PIEZO2: variants seen among roughly 807,000 people sequenced by gnomAD.
PIEZO2 encodes the protein piezo-type mechanosensitive ion channel component 2.
A neutral mutation model predicts 337.3 loss-of-function variants in PIEZO2; 172 were observed. The ratio of observed to expected loss-of-function variants is 0.51; its 90% CI spans 0.45 to 0.58. The LOEUF (loss-of-function observed/expected upper bound fraction) is 0.58, where lower values mean the gene tolerates loss of function less well. Ranked by LOEUF, PIEZO2 falls within the 20% of genes least tolerant of loss-of-function variation. PIEZO2 has a pLI of 0.00. For synonymous variants in PIEZO2, 1,251 were observed against 1,228.5 expected, an observed-to-expected ratio of 1.02 and a Z score of -0.38; for missense variants, 3,028 against 3,391.3, an observed-to-expected ratio of 0.89 and a Z score of 2.66.
rs1568255611 is a variant in PIEZO2, at chr18:10,973,500, G to C, written c.286+6035C>G. 6.6e-6 allele frequency among the ~76,000 whole-genome samples: 1 copy of C among 152,214 alleles called. No individual in the cohort carries two copies. The highest frequency in any genetic ancestry group is 1.5e-5 in the Non-Finnish European group (1 of 68,038). ...CTTAAGGCAAAGTTCTCCTATACAT[G>C]ATCAGAAGGTATATATATGATCCAC... On this transcript the variant is annotated intron_variant, in intron 3 of 55. Coordinates refer to ENST00000674853, the MANE Select transcript of PIEZO2 (RefSeq NM_001378183.1). The surrounding 1 kb of genome is among the most constrained non-coding windows in gnomAD (Gnocchi z 4.9).
At chr18:10,951,896 A>G (rs1046030362) in intron 3 of PIEZO2, among the ~76,000 whole-genome samples, 1 of 152,182 alleles carries the variant, frequency 6.6e-6, no homozygotes, top group Middle Eastern at 3.2e-3. Flanking sequence ...AAATTAATGA[A>G]TGATTATGAG....
At chr18:10,916,039 C>A (rs913958433) in intron 3 of PIEZO2, among the ~76,000 whole-genome samples, 3 of 151,936 alleles carry the variant, frequency 2.0e-5, no homozygotes, top group Admixed American at 6.6e-5. Context: ...CATTTACAAT[C>A]CTTTAGCTAG....
chr18:11,079,703 G>A (rs1407615605), intron 1 of PIEZO2, among the ~76,000 whole-genome samples: 1 of 152,128 alleles, frequency 6.6e-6, no homozygotes, highest in African/African-American at 2.4e-5. Context: ...CTGCCCAACA[G>A]TAAACCACAA....
intron 27 of PIEZO2, among the ~76,000 whole-genome samples, chr18:10,753,339 A>G (rs567661700): frequency 3.9e-5 from 6 of 152,346 alleles, no homozygotes; most frequent in African/African-American, 1.4e-4. Flanking sequence ...ATGGGAGGTG[A>G]TTCTGACCAA....
rs114814201 is a variant in PIEZO2, at chr18:11,125,574, C to T, written c.64+22951G>A. 2.4e-4 allele frequency among the ~76,000 whole-genome samples: 37 copies of T among 152,246 alleles called. No individual in the cohort carries two copies. Among genetic ancestry groups the T allele is most frequent in the African/African-American group, 8.9e-4 (37 of 41,540 alleles). On this transcript the variant is annotated intron_variant, in intron 1 of 55. Transcript: ENST00000674853. The surrounding 1 kb of genome is among the most constrained non-coding windows in gnomAD (Gnocchi z 4.4). ...GCGGAAACCAAGACACACTCCATTC[C>T]AAATAAAGATTACCCTGCAGAGAAG...
chr18:10,745,706 T>C (rs1010323983), intron 30 of PIEZO2, among the ~76,000 whole-genome samples: 8 of 152,136 alleles, frequency 5.3e-5, no homozygotes, highest in African/African-American at 1.9e-4. Context: ...CTGAATGTTC[T>C]CCAAGGTTCT....
chr18:10,705,569 G>A lies in PIEZO2; in HGVS notation c.5766C>T (p.Leu1922=), dbSNP rs1175231459. ...ACTGTGTCAGCTCTTCCTCTGGGGT[G>A]AGGCTGGCCTCCTCGGCACCCATGG... is the stretch of plus-strand genomic sequence containing the variant. ...VGAMGAEEAS[L]TPEEELTQFS... is the part of the protein sequence containing the mutation. Residue 1922 remains leucine, a synonymous_variant, in exon 41 of 56, where the codon CTC becomes CTT. Transcript: ENST00000674853. The A allele has an allele frequency of 3.3e-6, 5 of 1,537,144 alleles. No homozygotes were observed. The highest frequency in any genetic ancestry group is 3.5e-6 in the Non-Finnish European group (4 of 1,146,920).
intron 35 of PIEZO2, among the ~76,000 whole-genome samples, chr18:10,734,968 C>G (rs1369537734): frequency 6.6e-6 from 1 of 152,166 alleles, no homozygotes; most frequent in Non-Finnish European, 1.5e-5. Flanking sequence ...AGAAGGACAG[C>G]AAGTATATCT....
intron 2 of PIEZO2, among the ~76,000 whole-genome samples, chr18:11,026,128 A>G (rs2036532538): frequency 6.6e-6 from 1 of 152,226 alleles, no homozygotes; most frequent in Non-Finnish European, 1.5e-5. Flanking sequence ...GCCTTTACAA[A>G]CATGCAATTG....
At position 10,773,476 on chromosome 18, in the gene PIEZO2, G is replaced by C; in HGVS notation, c.2721C>G (p.Asp907Glu). The C allele has an allele frequency of 1.3e-6, 2 of 1,537,424 alleles. No homozygotes were observed. The highest frequency in any genetic ancestry group is 1.7e-6 in the Non-Finnish European group (2 of 1,146,962). The change falls in exon 20 of 56, where the codon GAC (aspartate) becomes GAG (glutamate). Residue 907 changes from aspartate (D) to glutamate (E), a missense_variant. Physicochemically the swap from Asp to Glu is conservative, Grantham distance 45. Transcript: ENST00000674853. The surrounding 1 kb of genome is among the most constrained non-coding windows in gnomAD (Gnocchi z 5.3). The stretch of plus-strand genomic sequence containing the variant: ...CTCCGTCCTCCTCTGACTCCTCGCT[G>C]TCTTTCCCAAGATCACCCTTCTGGG... ...EKAQKGDLGK[D>E]SEESEEDGEE...
At chr18:10,787,712 ATTTCT>A (rs1294081199) in intron 15 of PIEZO2, among the ~76,000 whole-genome samples, 5 of 152,096 alleles carry the variant, frequency 3.3e-5, no homozygotes, top group Admixed American at 3.3e-4. Context: ...AAGTTCACTG[ATTTCT>A]TTTGAGATTT....
Position 10,800,463 on chromosome 18 carries a change from T to C in PIEZO2, c.1252A>G (p.Thr418Ala). Residue 418 changes from threonine to alanine, a missense_variant, in exon 11 of 56, where the codon ACT (threonine) becomes GCT (alanine). This residue lies in a region of PIEZO2 where 542 missense variants were observed against 605.6 expected (regional missense o/e 0.89). Transcript: ENST00000674853. ...TAATCCACGGGGTTGCCGTTCACAG[T>C]CACCAGCAGGCCCTGCCGGGAGTGC... is the stretch of plus-strand genomic sequence containing the variant. ...DYKPSDGLLV[T>A]VNGNPVDYHT... is the part of the protein sequence containing the mutation. 2 of 1,531,970 alleles carry C rather than the reference T, an allele frequency of 1.3e-6. No individual in the cohort carries two copies. Among genetic ancestry groups the C allele is most frequent in the Non-Finnish European group, 1.7e-6 (2 of 1,144,750 alleles). 94.9% of individuals were successfully genotyped at this position (1,531,970 alleles called of 1,614,324 possible).
intron 30 of PIEZO2, among the ~76,000 whole-genome samples, chr18:10,745,326 A>G (rs2037380550): frequency 6.6e-6 from 1 of 152,112 alleles, no homozygotes; most frequent in Non-Finnish European, 1.5e-5. Flanking sequence ...TTAACATGCA[A>G]ATATGCTCAA....
In PIEZO2 at chr18:10,761,253, G is replaced by A. The variant is rs573401847; in HGVS notation, c.3250-142C>T. 78 of 703,802 alleles carry A rather than the reference G, an allele frequency of 1.1e-4. No homozygotes were observed. In the Middle Eastern group the frequency reaches 1.2e-3, roughly 11 times the overall value. 43.6% of individuals were successfully genotyped at this position (703,802 alleles called of 1,614,324 possible). On this transcript the variant is annotated intron_variant, in intron 23 of 55. Transcript: ENST00000674853. ...TTAAGCAGTTTTGAGCTCAATATTC[G>A]TTTTCTCTGTCTTATTTATTGTGGC...
rs1299642582 is a variant in PIEZO2 at position 10,789,285 on chromosome 18, T to C, written c.1963A>G (p.Arg655Gly). ...GCTTCCTCTTGCTCTACCTTCTTTC[T>C]CTCTTGCTTCTCTTCCTTCGCTTCC... ...EEEAKEEKQERKKVEQEEAEE... is the reference protein window; with the variant it reads ...EEEAKEEKQEGKKVEQEEAEE... Residue 655 changes from arginine (R) to glycine (G), a missense_variant, in exon 15 of 56, where the codon AGA (arginine) becomes GGA (glycine). By Grantham distance (125) the Arg-to-Gly change is moderately radical. Coordinates refer to ENST00000674853, the MANE Select transcript of PIEZO2 (RefSeq NM_001378183.1). The C allele has an allele frequency of 6.5e-7, 1 of 1,537,364 alleles. No individual in the cohort carries two copies. The highest frequency in any genetic ancestry group is 2.0e-5 in the Admixed American group (1 of 51,012).
rs2038054033 is a variant in PIEZO2 at position 10,759,919 on chromosome 18, G to T, written c.3451-10C>A. ...ACATTAGGAAACAGGTCTGTGTAAA[G>T]ATGAAAAGAGGCAAAAAAAAAAAAT... On this transcript the variant is annotated splice_polypyrimidine_tract_variant and intron_variant, in intron 24 of 55. Coordinates refer to ENST00000674853, the MANE Select transcript of PIEZO2 (RefSeq NM_001378183.1). The surrounding 1 kb of genome is among the most constrained non-coding windows in gnomAD (Gnocchi z 5.5). The T allele has an allele frequency of 6.5e-7, 1 of 1,532,562 alleles. No individual in the cohort carries two copies. Among genetic ancestry groups the T allele is most frequent in the Admixed American group, 2.0e-5 (1 of 50,798 alleles). The allele number at this position is 1,532,562 out of a possible 1,614,324, so 94.9% of individuals were successfully genotyped here. A position where few individuals can be genotyped will look rare whatever the true frequency, so the allele number is the denominator to read the frequency against.
At chr18:10,939,532 G>A (rs1382067928) in intron 3 of PIEZO2, among the ~76,000 whole-genome samples, 1 of 152,154 alleles carries the variant, frequency 6.6e-6, no homozygotes, top group Non-Finnish European at 1.5e-5. Context: ...ACCCATCAAT[G>A]ATAGACTGGA....
intron 43 of PIEZO2, 53 bp from the exon 44 acceptor site, chr18:10,699,230 T>G: frequency 6.5e-7 from 1 of 1,528,652 alleles, no homozygotes; most frequent in Non-Finnish European, 8.7e-7. Context: ...GTGGAACCCT[T>G]GGTATTCTGT....
rs529728565 is a variant in PIEZO2, at chr18:11,033,203, A to G, written c.160+32924T>C. On this transcript the variant is annotated intron_variant, in intron 2 of 55. Transcript: ENST00000674853. This position sits in a 1 kb window ranked among gnomAD's most constrained non-coding sequence, Gnocchi z 4.2. ...GGCACTGTTCTCTCCTTCATTTCACACATGAGGGGACTAAGACTGAGAGGC... is the reference window on the plus strand; with the variant it reads ...GGCACTGTTCTCTCCTTCATTTCACGCATGAGGGGACTAAGACTGAGAGGC... 2.0e-4 allele frequency among the ~76,000 whole-genome samples: 30 copies of G among 152,238 alleles called. No individual in the cohort carries two copies. Among genetic ancestry groups the G allele is most frequent in the Non-Finnish European group, 4.0e-4 (27 of 68,036 alleles).
Sources: gnomAD v4.1 joint callset for allele counts (sites outside exome capture counted in the v4.1 genomes callset) on GRCh38, gnomAD v4.1.1 for gene constraint, gnomAD v4.1.1 regional missense constraint, Gnocchi (gnomAD v3.1) non-coding constraint, MANE v1.5 for transcripts, NCBI Gene and HGNC (gene_info 2026-07-23, HGNC 2026-07-21) for gene names.